Variants in DHRSX observed in about 807,000 individuals in gnomAD.
The protein encoded by DHRSX is polyprenol dehydrogenase.
In DHRSX, 31 loss-of-function variants were observed where a neutral mutation model predicts 34.0. The ratio of observed to expected loss-of-function variants is 0.91; its 90% confidence interval spans 0.69 to 1.23. DHRSX has a LOEUF of 1.23. Among genes scored for constraint, DHRSX ranks in the 50% most tolerant of loss-of-function variants. DHRSX has a pLI of 0.00. For synonymous variants in DHRSX, 201 were observed against 183.8 expected (o/e 1.09, Z -0.76); for missense variants, 414 against 428.1 (o/e 0.97, Z 0.29).
chrX:2,333,756 C>A (rs2042513553), intron 3 of DHRSX, among the ~76,000 whole-genome samples: 1 of 152,062 alleles, frequency 6.6e-6, no homozygotes, highest in African/African-American at 2.4e-5. Context: ...ACCCTTCACC[C>A]TCAAGCAGAC....
chrX:2,493,236 A>C (rs2045201728), intron 1 of DHRSX, among the ~76,000 whole-genome samples: 1 of 152,190 alleles, frequency 6.6e-6, no homozygotes, highest in Admixed American at 6.5e-5. Context: ...TGGATTACAC[A>C]GTCAACGGAG....
At chrX:2,435,540 A>T (rs2043981448) in intron 1 of DHRSX, among the ~76,000 whole-genome samples, 1 of 152,066 alleles carries the variant, frequency 6.6e-6, no homozygotes, top group African/African-American at 2.4e-5. Context: ...AGGGTGAGAC[A>T]ATCACTTGAG....
chrX:2,382,299 ACC>A (rs1480670408), intron 3 of DHRSX, among the ~76,000 whole-genome samples: 4 of 152,038 alleles, frequency 2.6e-5, no homozygotes, highest in Non-Finnish European at 4.4e-5. Context: ...TGGCCAACCT[ACC>A]CACCAGAAGG....
chrX:2,500,748 C>CG, intron 1 of DHRSX, 69 bp downstream of exon 1: 1 of 781,374 alleles, frequency 1.3e-6, no homozygotes, highest in Non-Finnish European at 1.6e-6. Context: ...GCCCCCGCGC[C>CG]CCCGCCCCCG....
chrX:2,443,490 G>A (rs1287103720), intron 1 of DHRSX, among the ~76,000 whole-genome samples: 1 of 152,032 alleles, frequency 6.6e-6, no homozygotes, highest in Non-Finnish European at 1.5e-5. Context: ...GGGGAGTTCT[G>A]CCTCTCCGGA....
intron 2 of DHRSX, among the ~76,000 whole-genome samples, chrX:2,423,654 T>C (rs2043808533): frequency 6.6e-6 from 1 of 152,090 alleles, no homozygotes; most frequent in Admixed American, 6.6e-5. Flanking sequence ...AAGGCTTTTA[T>C]TTTTCCAAGC....
At chrX:2,303,376 C>A (rs747844154) in intron 3 of DHRSX, among the ~76,000 whole-genome samples, 54 of 152,016 alleles carry the variant, frequency 3.6e-4, no homozygotes, top group Non-Finnish European at 6.3e-4. Context: ...TTAGCGCCAT[C>A]CCCTTGGTGA....
At chrX:2,267,200 G>C (rs1379950169) in intron 4 of DHRSX, among the ~76,000 whole-genome samples, 1 of 152,164 alleles carries the variant, frequency 6.6e-6, no homozygotes, top group African/African-American at 2.4e-5. Context: ...AATAACCACA[G>C]GCCGGGCGCG....
chrX:2,443,424 A>G (rs1274872790), intron 1 of DHRSX, among the ~76,000 whole-genome samples: 1 of 152,032 alleles, frequency 6.6e-6, no homozygotes, highest in African/African-American at 2.4e-5. Flanking sequence ...CAGTCAAGGC[A>G]GCATGCAAAA....
At chrX:2,237,517 T>C (rs1292055838) in intron 6 of DHRSX, among the ~76,000 whole-genome samples, 3 of 151,940 alleles carry the variant, frequency 2.0e-5, no homozygotes, top group Non-Finnish European at 2.9e-5. Context: ...ATTTTTTTTT[T>C]TTTTTGAGAT....
intron 3 of DHRSX, among the ~76,000 whole-genome samples, chrX:2,384,368 C>A (rs1210044030): frequency 6.6e-6 from 1 of 152,118 alleles, no homozygotes; most frequent in Non-Finnish European, 1.5e-5. Flanking sequence ...ACTAGCAGAG[C>A]AGAGTTTTGG....
At chrX:2,275,491 A>G (rs150580805) in intron 4 of DHRSX, among the ~76,000 whole-genome samples, 3,873 of 144,890 alleles carry the variant, frequency 0.027, 164 homozygotes, top group African/African-American at 0.093. Flanking sequence ...CCCGGCCGAC[A>G]ACAGCGAGAC....
intron 1 of DHRSX, among the ~76,000 whole-genome samples, chrX:2,483,617 C>T (rs997508648): frequency 1.3e-5 from 2 of 152,072 alleles, no homozygotes; most frequent in Admixed American, 1.3e-4. Flanking sequence ...AAATGCCCCC[C>T]GGTTCTTTTG....
intron 1 of DHRSX, among the ~76,000 whole-genome samples, chrX:2,461,576 C>G (rs2044402546): frequency 6.6e-6 from 1 of 152,188 alleles, no homozygotes; most frequent in Non-Finnish European, 1.5e-5. Context: ...GTCTCTCACT[C>G]TGGTGCCCAG....
At chrX:2,370,942 G>A (rs2043051190) in intron 3 of DHRSX, among the ~76,000 whole-genome samples, 1 of 152,108 alleles carries the variant, frequency 6.6e-6, no homozygotes, top group Non-Finnish European at 1.5e-5. Context: ...CCCAATCACG[G>A]TTGTTCCGAG....
At chrX:2,262,570 C>T (rs2041378368) in intron 5 of DHRSX, among the ~76,000 whole-genome samples, 1 of 152,220 alleles carries the variant, frequency 6.6e-6, no homozygotes. Context: ...TGCACATTGG[C>T]ACACACATCT....
At chrX:2,446,577 G>C (rs1299398179) in intron 1 of DHRSX, among the ~76,000 whole-genome samples, 1 of 151,992 alleles carries the variant, frequency 6.6e-6, no homozygotes, top group Non-Finnish European at 1.5e-5. Context: ...CTAAGAATGC[G>C]GCCAAGGGAC....
chrX:2,307,097 T>G lies in DHRSX; in HGVS notation c.287-15494A>C, dbSNP rs187393710. Among the ~76,000 whole-genome samples the G allele has an allele frequency of 2.6e-4, 40 of 152,256 alleles. No homozygotes were observed. In the East Asian group the frequency reaches 7.5e-3, roughly 29 times the overall value. On this transcript the variant is annotated intron_variant, in intron 3 of 6. Transcript: ENST00000334651. ...TATGTGTTGGATGAAGAAAATGTAG[T>G]TGCTGCATATATACCGTAGAATAGT...
chrX:2,240,940 G>A (rs1231951291), intron 6 of DHRSX, among the ~76,000 whole-genome samples: 1 of 152,110 alleles, frequency 6.6e-6, no homozygotes, highest in Non-Finnish European at 1.5e-5. Context: ...AGCACTTCGG[G>A]AGACCGAGGC....
Sources: allele counts gnomAD v4.1 joint callset (sites outside exome capture counted in the v4.1 genomes callset), GRCh38; gene constraint gnomAD v4.1.1; transcripts MANE v1.5; gene names NCBI Gene and HGNC (gene_info 2026-07-23, HGNC 2026-07-21).